Variants in PIP4K2A observed in about 807,000 individuals in gnomAD.
The protein encoded by PIP4K2A is phosphatidylinositol-5-phosphate 4-kinase type 2 alpha, also known as phosphatidylinositol 5-phosphate 4-kinase type-2 alpha.
In PIP4K2A, 14 loss-of-function variants were observed where a neutral mutation model predicts 42.9. The ratio of observed to expected loss-of-function variants is 0.33; its 90% CI spans 0.22 to 0.51. PIP4K2A has a LOEUF of 0.51. PIP4K2A is among the 20% of genes least tolerant of loss of function. The pLI is 0.97. For synonymous variants in PIP4K2A, 192 were observed against 192.2 expected (o/e 1.00, Z 0.01); for missense variants, 434 against 519.8 (o/e 0.83, Z 1.61).
chr10:22,557,340 C>G (rs975268201), intron 6 of PIP4K2A, among the ~76,000 whole-genome samples: 1 of 152,178 alleles, frequency 6.6e-6, no homozygotes, highest in African/African-American at 2.4e-5. Context: ...CTAAAAAATT[C>G]CTGCTTAATA....
chr10:22,568,876 TG>T, intron 5 of PIP4K2A: 1 of 630,478 alleles, frequency 1.6e-6, no homozygotes. Context: ...GCCAATTTCC[TG>T]GGCTCCCTTC....
intron 3 of PIP4K2A, among the ~76,000 whole-genome samples, chr10:22,605,731 C>A (rs912283384): frequency 4.6e-5 from 7 of 151,798 alleles, no homozygotes; most frequent in African/African-American, 1.7e-4. Flanking sequence ...AAACAAAACC[C>A]AGCCAAACAA....
intron 1 of PIP4K2A, among the ~76,000 whole-genome samples, chr10:22,673,644 T>A (rs1839497950): frequency 6.6e-6 from 1 of 151,446 alleles, no homozygotes; most frequent in Non-Finnish European, 1.5e-5. Flanking sequence ...GGAAAAAAAA[T>A]AAAAAATAAA....
chr10:22,710,606 C>T (rs1367871242), intron 1 of PIP4K2A, among the ~76,000 whole-genome samples: 1 of 152,186 alleles, frequency 6.6e-6, no homozygotes, highest in Non-Finnish European at 1.5e-5. Flanking sequence ...AAGTCCCACG[C>T]ACTCACACAC....
intron 4 of PIP4K2A, among the ~76,000 whole-genome samples, chr10:22,578,410 C>T (rs7071306): frequency 0.65 from 99,508 of 152,030 alleles, 33,071 homozygotes; most frequent in East Asian, 0.97. Flanking sequence ...TTGACAGATG[C>T]TTCTCCGCCT....
chr10:22,664,053 G>GTA (rs1323988352), intron 1 of PIP4K2A, among the ~76,000 whole-genome samples: 3 of 55,598 alleles, frequency 5.4e-5, no homozygotes, highest in Non-Finnish European at 9.0e-5. Flanking sequence ...ATATACATAT[G>GTA]TATATATACA....
intron 1 of PIP4K2A, among the ~76,000 whole-genome samples, chr10:22,665,946 CCATA>C (rs1236790339): frequency 6.6e-6 from 1 of 151,736 alleles, no homozygotes; most frequent in African/African-American, 2.4e-5. Flanking sequence ...AGATCAAAGG[CCATA>C]TATATTAATT....
At chr10:22,569,454 T>C (rs940510124) in intron 5 of PIP4K2A, among the ~76,000 whole-genome samples, 2 of 152,250 alleles carry the variant, frequency 1.3e-5, no homozygotes, top group Non-Finnish European at 2.9e-5. Flanking sequence ...TTACTTGCCA[T>C]GGTCTACTTT....
intron 1 of PIP4K2A, among the ~76,000 whole-genome samples, chr10:22,622,310 C>T (rs921752679): frequency 6.6e-6 from 1 of 152,164 alleles, no homozygotes; most frequent in Non-Finnish European, 1.5e-5. Context: ...AAAGACGGTG[C>T]GCTGCCTGTT....
Position 22,622,570 on chromosome 10 carries a change from G to A in PIP4K2A, c.145-12853C>T, listed in dbSNP as rs191556233. Among the ~76,000 whole-genome samples the A allele has an allele frequency of 3.9e-5, 6 of 152,334 alleles. No individual in the cohort carries two copies. The East Asian group carries it at 5.8e-4, about 15-fold the overall frequency. ...GACACTGGAGGATTCCCATTCTGGC[G>A]GAAAGGCCCTAGAAATATTAATAAT... is the stretch of plus-strand genomic sequence containing the variant. On this transcript the variant is annotated intron_variant, in intron 1 of 9. Coordinates refer to ENST00000376573, the MANE Select transcript of PIP4K2A (RefSeq NM_005028.5).
At chr10:22,606,218 G>A (rs527330769) in intron 3 of PIP4K2A, among the ~76,000 whole-genome samples, 13 of 152,152 alleles carry the variant, frequency 8.5e-5, no homozygotes, top group African/African-American at 2.4e-4. Context: ...CGCTGAGGTC[G>A]GAGGATCACT....
chr10:22,685,497 C>T lies in PIP4K2A; in HGVS notation c.144+28686G>A, dbSNP rs555938764. On this transcript the variant is annotated intron_variant, in intron 1 of 9. Coordinates refer to ENST00000376573, the MANE Select transcript of PIP4K2A (RefSeq NM_005028.5). Reference sequence around the variant, plus strand: ...ATCACTTGATGCCAGGAGTTCAAGACAGGCCTGATCAACAAAGTGACACCC... The same window carrying T: ...ATCACTTGATGCCAGGAGTTCAAGATAGGCCTGATCAACAAAGTGACACCC... Among the ~76,000 whole-genome samples the T allele has an allele frequency of 1.1e-4, 16 of 152,090 alleles. No homozygotes were observed. The South Asian group carries it at 3.3e-3, about 32-fold the overall frequency.
At chr10:22,552,857 G>C (rs58498866) in intron 6 of PIP4K2A, among the ~76,000 whole-genome samples, 7,288 of 152,178 alleles carry the variant, frequency 0.048, 400 homozygotes, top group African/African-American at 0.14. Context: ...TTTTATAAGT[G>C]TAAGAAAAGA....
chr10:22,608,105 C>CA, intron 2 of PIP4K2A, 82 bp from the exon 3 acceptor site: 1 of 879,316 alleles, frequency 1.1e-6, no homozygotes, highest in Non-Finnish European at 1.9e-6. Flanking sequence ...CACAGGTAGC[C>CA]AAAGAAGGGT....
At chr10:22,553,788 ACTT>A (rs1443893553) in intron 6 of PIP4K2A, among the ~76,000 whole-genome samples, 3 of 109,284 alleles carry the variant, frequency 2.7e-5, no homozygotes, top group African/African-American at 7.3e-5. Flanking sequence ...AGGTTGAAAA[ACTT>A]TTTTTTTTTT....
chr10:22,657,121 C>G (rs983004717), intron 1 of PIP4K2A, among the ~76,000 whole-genome samples: 1 of 152,218 alleles, frequency 6.6e-6, no homozygotes, highest in Non-Finnish European at 1.5e-5. Flanking sequence ...ACATCTAATA[C>G]TGTGATTGAT....
chr10:22,564,214 G>A (rs1836780826), intron 6 of PIP4K2A, among the ~76,000 whole-genome samples: 1 of 152,180 alleles, frequency 6.6e-6, no homozygotes, highest in African/African-American at 2.4e-5. Flanking sequence ...ACAGATACAG[G>A]AAGTCAAATA....
intron 4 of PIP4K2A, among the ~76,000 whole-genome samples, chr10:22,585,682 C>A (rs1837377592): frequency 6.6e-6 from 1 of 151,200 alleles, no homozygotes; most frequent in Non-Finnish European, 1.5e-5. Context: ...CTCCCTGCAA[C>A]TTCTGCCTCC....
intron 3 of PIP4K2A, among the ~76,000 whole-genome samples, chr10:22,596,553 A>G (rs996242269): frequency 6.6e-6 from 1 of 152,228 alleles, no homozygotes; most frequent in Non-Finnish European, 1.5e-5. Context: ...TGAATAAGAA[A>G]CTCCTCAGTG....
Sources: gnomAD v4.1 joint callset for allele counts (sites outside exome capture counted in the v4.1 genomes callset) on GRCh38, gnomAD v4.1.1 for gene constraint, MANE v1.5 for transcripts, NCBI Gene and HGNC (gene_info 2026-07-23, HGNC 2026-07-21) for gene names.